The following MUC17 variants were observed in gnomAD, a reference collection of about 807,000 sequenced individuals.
The protein encoded by MUC17 is mucin 17, cell surface associated, also known as mucin-17.
In MUC17, 190 loss-of-function variants were observed where a neutral mutation model predicts 170.3. That is an observed-to-expected ratio of 1.12 (90% CI 0.99 to 1.26). The LOEUF is 1.26. MUC17 is among the 50% of genes most tolerant of loss of function. The pLI is 0.00. For missense variants in MUC17, 6,415 were observed against 5,530.0 expected (o/e 1.16, Z -5.08); for synonymous variants, 2,325 against 2,002.5 (o/e 1.16, Z -4.30).
At chr7:101,055,366 T>A (rs995128958) in intron 11 of MUC17, among the ~76,000 whole-genome samples, 1 of 152,088 alleles carries the variant, frequency 6.6e-6, no homozygotes, top group Non-Finnish European at 1.5e-5. Flanking sequence ...CTAAACAAAG[T>A]GTCTGTTGTT....
rs992161011 is a variant in MUC17 at position 101,050,781 on chromosome 7, C to A, written c.12874+146C>A. The stretch of plus-strand genomic sequence containing the variant: ...GGTCCTAGAGTCCCTGGGGTTGCAG[C>A]GCAAAGAAGCCCCAGGATTGGGCCG... On this transcript the variant is annotated intron_variant, in intron 7 of 12. Transcript: ENST00000306151. 8.2e-6 allele frequency: 10 copies of A among 1,221,098 alleles called. No homozygotes were observed. In the South Asian group the frequency reaches 1.6e-4, roughly 20 times the overall value. The allele number at this position is 1,221,098 out of a possible 1,614,324, so 75.6% of individuals were successfully genotyped here.
chr7:101,042,069 T>A lies in MUC17; in HGVS notation c.10653T>A (p.Ser3551=). 1.9e-6 allele frequency: 3 copies of A among 1,614,066 alleles called. No individual in the cohort carries two copies. The South Asian group carries it at 3.3e-5, about 18-fold the overall frequency. ...ACTCCAACACTTTTGTTACCAGTTCTAGTCAAGCCAGTTCATCTCCAGCAA... is the reference window on the plus strand; with the variant it reads ...ACTCCAACACTTTTGTTACCAGTTCAAGTCAAGCCAGTTCATCTCCAGCAA... ...PVDSNTFVTS[S]SQASSSPATL... The change falls in exon 3 of 13, where the codon TCT becomes TCA. Residue 3551 remains serine, a synonymous_variant. Coordinates refer to ENST00000306151, the MANE Select transcript of MUC17 (RefSeq NM_001040105.2).
In MUC17 at chr7:101,038,405, C is replaced by A. The variant is rs776089431; in HGVS notation, c.6989C>A (p.Thr2330Asn). 10 of 1,614,100 alleles carry A rather than the reference C, an allele frequency of 6.2e-6. No individual in the cohort carries two copies. The highest frequency in any genetic ancestry group is 2.7e-5 in the African/African-American group (2 of 75,030). ...PPTAEGTSMP[T>N]STSSEGNTPL... The stretch of plus-strand genomic sequence containing the variant: ...ACTGCTGAAGGTACCAGCATGCCAA[C>A]CTCAACTTCTAGTGAAGGAAACACT... The change falls in exon 3 of 13, where the codon ACC becomes AAC. Residue 2330 changes from threonine (T) to asparagine (N), a missense_variant. Thr to Asn is a moderately conservative substitution (Grantham distance 65). Coordinates refer to ENST00000306151, the MANE Select transcript of MUC17 (RefSeq NM_001040105.2).
At chr7:101,023,658 A>C (rs761839328) in intron 1 of MUC17, among the ~76,000 whole-genome samples, 4 of 152,098 alleles carry the variant, frequency 2.6e-5, no homozygotes, top group African/African-American at 4.8e-5. Flanking sequence ...TGTCCACCTC[A>C]GCCTCCCAAA....
At position 101,039,646 on chromosome 7, in the gene MUC17, T is replaced by C; in HGVS notation, c.8230T>C (p.Ser2744Pro). Residue 2744 changes from serine to proline, a missense_variant, in exon 3 of 13, where the codon TCA becomes CCA. Transcript: ENST00000306151. ...TTAEGTSMRI[S>P]TPSDGSTPLT... ...TGCTGAAGGTACCAGCATGCGAATC[T>C]CAACTCCTAGTGATGGAAGTACTCC... is the stretch of plus-strand genomic sequence containing the variant. 1 of 1,611,754 alleles carries C rather than the reference T, an allele frequency of 6.2e-7. No individual in the cohort carries two copies. The highest frequency in any genetic ancestry group is 8.5e-7 in the Non-Finnish European group (1 of 1,179,458).
At position 101,033,672 on chromosome 7, in the gene MUC17, G is replaced by A; in HGVS notation, c.2256G>A (p.Met752Ile). The A allele has an allele frequency of 6.2e-7, 1 of 1,613,260 alleles. No homozygotes were observed. The highest frequency in any genetic ancestry group is 8.5e-7 in the Non-Finnish European group (1 of 1,179,774). ...AAGGAAGCACTCCATTAACAAGTAT[G>A]CCTGTCAGCAAAACGCTGTTGACCA... ...PSEGSTPLTS[M>I]PVSKTLLTSS... The change falls in exon 3 of 13, where the codon ATG becomes ATA. Residue 752 changes from methionine to isoleucine, a missense_variant. Transcript: ENST00000306151.
intron 3 of MUC17, among the ~76,000 whole-genome samples, chr7:101,045,508 C>T (rs1044121195): frequency 6.6e-6 from 1 of 152,076 alleles, no homozygotes; most frequent in African/African-American, 2.4e-5. Context: ...ATTCTCTCAC[C>T]TCAACCTCCC....
At position 101,035,878 on chromosome 7, in the gene MUC17, A is replaced by G. The variant is rs1453146535; in HGVS notation, c.4462A>G (p.Thr1488Ala). 5 of 1,607,656 alleles carry G rather than the reference A, an allele frequency of 3.1e-6. No individual in the cohort carries two copies. The highest frequency in any genetic ancestry group is 4.3e-6 in the Non-Finnish European group (5 of 1,176,330). ...TPVDSNSPVVTSTAVSSSPTP... is the reference protein window; with the variant it reads ...TPVDSNSPVVASTAVSSSPTP... ...TGTTGACTCTAACAGTCCTGTGGTCACTTCTACAGCAGTCAGTTCATCTCC... is the reference window on the plus strand; with the variant it reads ...TGTTGACTCTAACAGTCCTGTGGTCGCTTCTACAGCAGTCAGTTCATCTCC... The change falls in exon 3 of 13, where the codon ACT (threonine) becomes GCT (alanine). Residue 1488 changes from threonine to alanine, a missense_variant. Coordinates refer to ENST00000306151, the MANE Select transcript of MUC17 (RefSeq NM_001040105.2).
At chr7:101,021,181 CTTTTTTTTTT>C (rs60346243) in intron 1 of MUC17, among the ~76,000 whole-genome samples, 2 of 84,134 alleles carry the variant, frequency 2.4e-5, no homozygotes, top group African/African-American at 4.5e-5. Context: ...CTGTCTCCTC[CTTTTTTTTTT>C]TTTTTTTTTT....
At chr7:101,027,993 G>A (rs755541500) in intron 1 of MUC17, among the ~76,000 whole-genome samples, 1 of 151,780 alleles carries the variant, frequency 6.6e-6, no homozygotes, top group Non-Finnish European at 1.5e-5. Context: ...GGCTGGTCTC[G>A]AACTCCTGGG....
chr7:101,031,176 G>A lies in MUC17; in HGVS notation c.139G>A (p.Val47Ile), dbSNP rs550305993. The A allele has an allele frequency of 9.9e-6, 16 of 1,613,836 alleles. No homozygotes were observed. The highest frequency in any genetic ancestry group is 7.7e-5 in the South Asian group (7 of 90,990). ...DGGGCISQGDVLNRQCQQLSQ... is the reference protein window; with the variant it reads ...DGGGCISQGDILNRQCQQLSQ... ...AGGAGGGTGCATCTCCCAAGGGGAC[G>A]TCTTGAACCGTCAGTGCCAGCAGCT... Residue 47 changes from valine to isoleucine, a missense_variant, in exon 2 of 13, where the codon GTC becomes ATC. By Grantham distance (29) the Val-to-Ile change is conservative (BLOSUM62 3). Transcript: ENST00000306151.
Position 101,039,476 on chromosome 7 carries a change from C to T in MUC17, c.8060C>T (p.Pro2687Leu), listed in dbSNP as rs191792201. The T allele has an allele frequency of 9.3e-6, 15 of 1,611,394 alleles. No homozygotes were observed. The highest frequency in any genetic ancestry group is 1.3e-5 in the African/African-American group (1 of 74,798). ...GGTAGCAGCATGCCAACCTCAACTC[C>T]TGGTGAAAGAAGCACTCCATTAACA... ...AEGSSMPTST[P>L]GERSTPLTNI... is the part of the protein sequence containing the mutation. Residue 2687 changes from proline to leucine, a missense_variant, in exon 3 of 13, where the codon CCT (proline) becomes CTT (leucine). Pro to Leu is a moderately conservative substitution (Grantham distance 98). Transcript: ENST00000306151.
chr7:101,035,785 T>A lies in MUC17; in HGVS notation c.4369T>A (p.Leu1457Ile). 1.2e-6 allele frequency: 2 copies of A among 1,605,098 alleles called. No individual in the cohort carries two copies. Among genetic ancestry groups the A allele is most frequent in the Non-Finnish European group, 1.7e-6 (2 of 1,176,684 alleles). ...TSTPSEGKTP[L>I]KSIPVSNTPV... The stretch of plus-strand genomic sequence containing the variant: ...AACTCCTAGTGAAGGAAAGACTCCA[T>A]TAAAAAGTATACCTGTCAGCAACAC... Residue 1457 changes from leucine (L) to isoleucine (I), a missense_variant, in exon 3 of 13, where the codon TTA becomes ATA. Physicochemically the swap from Leu to Ile is conservative, Grantham distance 5. Coordinates refer to ENST00000306151, the MANE Select transcript of MUC17 (RefSeq NM_001040105.2).
Position 101,020,122 on chromosome 7 carries a change from T to C in MUC17, c.-14T>C. 3 of 1,584,862 alleles carry C rather than the reference T, an allele frequency of 1.9e-6. No homozygotes were observed. The South Asian group carries it at 3.5e-5, about 18-fold the overall frequency. ...CTGGGGGTGACAGGCAAGTGAGACG[T>C]GCTCAGAGCTCCGATGCCAAGGCCA... On this transcript the variant is annotated 5_prime_UTR_variant, in exon 1 of 13. Coordinates refer to ENST00000306151, the MANE Select transcript of MUC17 (RefSeq NM_001040105.2).
chr7:101,031,953 A>G lies in MUC17; in HGVS notation c.537A>G (p.Thr179=). ...LPSFEAYTSL[T]YKVDMSTPLT... The stretch of plus-strand genomic sequence containing the variant: ...GTTTTGAGGCCTACACATCTTTAAC[A>G]TATAAGGTTGATATGAGCACACCTC... The change falls in exon 3 of 13, where the codon ACA becomes ACG. Residue 179 remains threonine, a synonymous_variant. Coordinates refer to ENST00000306151, the MANE Select transcript of MUC17 (RefSeq NM_001040105.2). 6.2e-7 allele frequency: 1 copy of G among 1,614,152 alleles called. No individual in the cohort carries two copies. Among genetic ancestry groups the G allele is most frequent in the Non-Finnish European group, 8.5e-7 (1 of 1,180,030 alleles).
chr7:101,043,801 G>A lies in MUC17; in HGVS notation c.12385G>A (p.Val4129Met), dbSNP rs763366785. ...IKSNPTSTPT[V>M]PRTTTCFGDG... Reference sequence around the variant, plus strand: ...GAGCAACCCCACCTCAACTCCTACTGTGCCAAGAACCACAACATGTAAGTG... The same window carrying A: ...GAGCAACCCCACCTCAACTCCTACTATGCCAAGAACCACAACATGTAAGTG... Residue 4129 changes from valine to methionine, a missense_variant, in exon 3 of 13, where the codon GTG (valine) becomes ATG (methionine). Val to Met is a conservative substitution (Grantham distance 21). Transcript: ENST00000306151. The A allele has an allele frequency of 6.2e-7, 1 of 1,603,324 alleles. No individual in the cohort carries two copies. Among genetic ancestry groups the A allele is most frequent in the Non-Finnish European group, 8.5e-7 (1 of 1,173,112 alleles).
In MUC17 at chr7:101,038,748, C is replaced by T; in HGVS notation, c.7332C>T (p.Thr2444=). The change falls in exon 3 of 13, where the codon ACC becomes ACT. Residue 2444 remains threonine (T), a synonymous_variant. Coordinates refer to ENST00000306151, the MANE Select transcript of MUC17 (RefSeq NM_001040105.2). ...ASSSPTTAEG[T]SIPTSPPSEG... The stretch of plus-strand genomic sequence containing the variant: ...CATCTCCTACAACTGCTGAAGGTAC[C>T]AGCATACCAACCTCACCTCCTAGTG... 1 of 1,612,386 alleles carries T rather than the reference C, an allele frequency of 6.2e-7. No homozygotes were observed. The highest frequency in any genetic ancestry group is 8.5e-7 in the Non-Finnish European group (1 of 1,179,108).
In MUC17 at chr7:101,041,358, T is replaced by A; in HGVS notation, c.9942T>A (p.Thr3314=). 6.2e-7 allele frequency: 1 copy of A among 1,613,304 alleles called. No individual in the cohort carries two copies. Among genetic ancestry groups the A allele is most frequent in the Non-Finnish European group, 8.5e-7 (1 of 1,179,614 alleles). ...CTGACACCAGCACACCTGTGACCAC[T>A]TATTCTCAAGCCAGTTCATCTCCTC... is the stretch of plus-strand genomic sequence containing the variant. ...TPADTSTPVT[T]YSQASSSPPI... The change falls in exon 3 of 13, where the codon ACT becomes ACA. Residue 3314 remains threonine (T), a synonymous_variant. Coordinates refer to ENST00000306151, the MANE Select transcript of MUC17 (RefSeq NM_001040105.2).
Position 101,032,004 on chromosome 7 carries a change from A to G in MUC17, c.588A>G (p.Ser196=). 1 of 1,614,224 alleles carries G rather than the reference A, an allele frequency of 6.2e-7. No homozygotes were observed. Among genetic ancestry groups the G allele is most frequent in the Non-Finnish European group, 8.5e-7 (1 of 1,180,040 alleles). The part of the protein sequence containing the change: ...TPLTTSTQAS[S]SPTTPESTTI... ...TGACCACTTCTACTCAGGCAAGTTC[A>G]TCTCCTACTACTCCTGAAAGCACCA... is the stretch of plus-strand genomic sequence containing the variant. Residue 196 remains serine, a synonymous_variant, in exon 3 of 13, where the codon TCA becomes TCG. Transcript: ENST00000306151.
Sources: gnomAD v4.1 joint callset for allele counts (sites outside exome capture counted in the v4.1 genomes callset) on GRCh38, gnomAD v4.1.1 for gene constraint, MANE v1.5 for transcripts, NCBI Gene and HGNC (gene_info 2026-07-23, HGNC 2026-07-21) for gene names.